Variants in GRID2 observed in about 807,000 individuals in gnomAD.
GRID2 encodes the protein glutamate receptor ionotropic, delta-2.
Under a neutral mutation model 114.8 loss-of-function variants are expected in GRID2, and 33 were observed. The ratio of observed to expected loss-of-function variants is 0.29; its 90% CI spans 0.22 to 0.38. The LOEUF (loss-of-function observed/expected upper bound fraction) is 0.38. Among genes scored for constraint, GRID2 ranks in the 10% least tolerant of loss-of-function variants. The probability of loss-of-function intolerance (pLI) is 1.00; values close to 1 mark genes in which losing one functional copy is unlikely to be tolerated. For missense variants in GRID2, 1,184 were observed against 1,257.7 expected (o/e 0.94, Z 0.89); for synonymous variants, 505 against 449.9 (o/e 1.12, Z -1.55).
chr4:92,457,009 T>A (rs768329045), intron 1 of GRID2, among the ~76,000 whole-genome samples: 7 of 152,202 alleles, frequency 4.6e-5, no homozygotes, highest in Non-Finnish European at 7.4e-5. Flanking sequence ...TATTTCTGTC[T>A]CCAACTTATC....
At chr4:93,602,114 G>T (rs575338782) in intron 13 of GRID2, among the ~76,000 whole-genome samples, 1 of 152,270 alleles carries the variant, frequency 6.6e-6, no homozygotes, top group South Asian at 2.1e-4. Flanking sequence ...TAATTTAAGA[G>T]TTAGTTTACT....
intron 2 of GRID2, among the ~76,000 whole-genome samples, chr4:92,952,815 C>T (rs1010736538): frequency 4.6e-5 from 7 of 152,116 alleles, no homozygotes; most frequent in African/African-American, 1.4e-4. Flanking sequence ...CCTACGACTG[C>T]CATAACACAA....
chr4:93,064,576 G>A (rs1728100383), intron 2 of GRID2, among the ~76,000 whole-genome samples: 1 of 151,754 alleles, frequency 6.6e-6, no homozygotes, highest in African/African-American at 2.4e-5. Flanking sequence ...ACAAAGTCAG[G>A]ACAGAGTAGG....
intron 2 of GRID2, among the ~76,000 whole-genome samples, chr4:92,721,396 A>G (rs1394531445): frequency 6.6e-6 from 1 of 152,172 alleles, no homozygotes; most frequent in Non-Finnish European, 1.5e-5. Flanking sequence ...GGTATTAACT[A>G]CATGAAATTT....
intron 2 of GRID2, among the ~76,000 whole-genome samples, chr4:92,973,232 A>G (rs1164948220): frequency 2.0e-5 from 3 of 152,156 alleles, no homozygotes; most frequent in African/African-American, 7.2e-5. Context: ...AGGAGAAATA[A>G]TATTCAATTT....
At chr4:93,379,718 C>A (rs926417932) in intron 8 of GRID2, among the ~76,000 whole-genome samples, 4 of 152,084 alleles carry the variant, frequency 2.6e-5, no homozygotes, top group Non-Finnish European at 5.9e-5. Flanking sequence ...GCTCAAAATT[C>A]TACTGGGAGA....
At chr4:92,873,643 G>A (rs1303495180) in intron 2 of GRID2, among the ~76,000 whole-genome samples, 1 of 152,094 alleles carries the variant, frequency 6.6e-6, no homozygotes, top group Non-Finnish European at 1.5e-5. Context: ...ATAAAAGAGA[G>A]GTAGAGGGAG....
At chr4:93,439,477 A>T (rs1173081062) in intron 10 of GRID2, among the ~76,000 whole-genome samples, 1 of 152,078 alleles carries the variant, frequency 6.6e-6, no homozygotes, top group Non-Finnish European at 1.5e-5. Flanking sequence ...CCTGAGGAAC[A>T]TTCTCATGGA....
chr4:92,939,790 C>G (rs542887680), intron 2 of GRID2, among the ~76,000 whole-genome samples: 3 of 147,250 alleles, frequency 2.0e-5, no homozygotes, highest in Admixed American at 7.3e-5. Context: ...ATATGGCTAG[C>G]CAGTTTTCCC....
At chr4:93,336,379 C>A (rs1759090792) in intron 8 of GRID2, among the ~76,000 whole-genome samples, 1 of 152,026 alleles carries the variant, frequency 6.6e-6, no homozygotes, top group Admixed American at 6.6e-5. Context: ...GTCATGTTTA[C>A]TGCTATATGA....
intron 9 of GRID2, among the ~76,000 whole-genome samples, chr4:93,417,685 T>C (rs1006243321): frequency 6.6e-6 from 1 of 151,988 alleles, no homozygotes; most frequent in Non-Finnish European, 1.5e-5. Flanking sequence ...CATTTTTGAA[T>C]GTTATGTAAA....
chr4:92,563,364 C>T (rs948786885), intron 1 of GRID2, among the ~76,000 whole-genome samples: 1 of 152,008 alleles, frequency 6.6e-6, no homozygotes, highest in Non-Finnish European at 1.5e-5. Context: ...ACTTTTCTGC[C>T]TCAGTAATGT....
chr4:92,839,425 C>G (rs1039867097), intron 2 of GRID2, among the ~76,000 whole-genome samples: 2 of 140,666 alleles, frequency 1.4e-5, no homozygotes, highest in African/African-American at 2.6e-5. Flanking sequence ...CCCCTCCCCC[C>G]ACCACACAAC....
intron 2 of GRID2, among the ~76,000 whole-genome samples, chr4:92,762,260 T>A (rs1048797448): frequency 2.6e-5 from 4 of 152,096 alleles, no homozygotes; most frequent in Admixed American, 2.6e-4. Flanking sequence ...AGGCTGAGAT[T>A]AAGAGCAATT....
Position 93,735,975 on chromosome 4 carries a change from T to A in GRID2, c.2361-33235T>A, listed in dbSNP as rs1044032438. 5.9e-5 allele frequency among the ~76,000 whole-genome samples: 9 copies of A among 151,924 alleles called. No homozygotes were observed. In the East Asian group the frequency reaches 1.7e-3, roughly 29 times the overall value. On this transcript the variant is annotated intron_variant, in intron 14 of 15. Transcript: ENST00000282020. ...TGGAGAGAACTAACTCAGAAAAGAA[T>A]GAGAAAGAGGATACTGGGAAAGAGG...
intron 12 of GRID2, among the ~76,000 whole-genome samples, chr4:93,505,847 G>A (rs1458318426): frequency 1.3e-5 from 2 of 151,982 alleles, no homozygotes; most frequent in African/African-American, 4.8e-5. Flanking sequence ...CACATTTCAG[G>A]GTTCATGATG....
intron 2 of GRID2, among the ~76,000 whole-genome samples, chr4:92,704,060 A>G (rs1405140065): frequency 6.6e-6 from 1 of 151,950 alleles, no homozygotes; most frequent in Non-Finnish European, 1.5e-5. Context: ...ATAGATCACG[A>G]GGTCAGGAGA....
intron 1 of GRID2, among the ~76,000 whole-genome samples, chr4:92,473,533 C>T (rs1005672086): frequency 1.1e-4 from 16 of 151,928 alleles, no homozygotes; most frequent in African/African-American, 3.6e-4. Context: ...CACCATTAAG[C>T]GTAAAGTTAG....
chr4:93,590,982 A>G (rs1282082835), intron 13 of GRID2, among the ~76,000 whole-genome samples: 1 of 151,678 alleles, frequency 6.6e-6, no homozygotes, highest in Non-Finnish European at 1.5e-5. Context: ...TTCTAGATAT[A>G]CAATCATGTC....
Sources: allele counts gnomAD v4.1 joint callset (sites outside exome capture counted in the v4.1 genomes callset), GRCh38; gene constraint gnomAD v4.1.1; transcripts MANE v1.5; gene names NCBI Gene and HGNC (gene_info 2026-07-23, HGNC 2026-07-21).